DLX5: variants seen among roughly 807,000 people sequenced by gnomAD.
The protein encoded by DLX5 is homeobox protein DLX-5.
A neutral mutation model predicts 27.1 loss-of-function variants in DLX5; 8 were observed. The observed-to-expected ratio is 0.30, with a 90% CI of 0.17 to 0.53. DLX5 has a LOEUF of 0.53. Ranked by LOEUF, DLX5 falls within the 20% of genes least tolerant of loss-of-function variation. The pLI is 0.95. For synonymous variants in DLX5, 178 were observed against 161.9 expected, an observed-to-expected ratio of 1.10 and a Z score of -0.75; for missense variants, 339 against 375.1, an observed-to-expected ratio of 0.90 and a Z score of 0.80.
intron 1 of DLX5, among the ~76,000 whole-genome samples, chr7:97,023,337 GGTGTGT>G (rs10525881): frequency 0.077 from 11,206 of 145,324 alleles, 699 homozygotes; most frequent in African/African-American, 0.15. Flanking sequence ...ACCTCTCCAG[GGTGTGT>G]GTGTGTGTGT....
chr7:97,024,682 T>C lies in DLX5; in HGVS notation c.-59A>G, dbSNP rs1004823454. 53 of 1,455,338 alleles carry C rather than the reference T, an allele frequency of 3.6e-5. No individual in the cohort carries two copies. The highest frequency in any genetic ancestry group is 4.8e-5 in the Non-Finnish European group (51 of 1,063,244). 90.2% of individuals were successfully genotyped at this position (1,455,338 alleles called of 1,614,324 possible). On this transcript the variant is annotated 5_prime_UTR_variant, in exon 1 of 3. Coordinates refer to ENST00000648378, the MANE Select transcript of DLX5 (RefSeq NM_005221.6). This position sits in a 1 kb window ranked among gnomAD's most constrained non-coding sequence, Gnocchi z 4.6. The stretch of plus-strand genomic sequence containing the variant: ...GTTGTGGCGGCGGCAGCTGCCCTAG[T>C]TGGCTGTGGGGCTGCTCTGGTCTAA...
intron 1 of DLX5, among the ~76,000 whole-genome samples, chr7:97,023,556 ACT>A (rs1790121487): frequency 6.6e-6 from 1 of 151,808 alleles, no homozygotes; most frequent in Non-Finnish European, 1.5e-5. Context: ...ACCCTCTTAA[ACT>A]CTCTAAGTAA....
At position 97,020,664 on chromosome 7, in the gene DLX5, CCTTT is replaced by C. The variant is rs1193459185; in HGVS notation, c.*68_*71del. On this transcript the variant is annotated 3_prime_UTR_variant, in exon 3 of 3. Transcript: ENST00000648378. ...TTTTCCGAACTTCCCCATATGAATT[CCTTT>C]CTTTATGATTTTCTAGAACAGCAAA... 2.0e-5 allele frequency: 28 copies of C among 1,398,896 alleles called. No homozygotes were observed. The highest frequency in any genetic ancestry group is 1.4e-4 in the East Asian group (6 of 42,312). 86.7% of individuals were successfully genotyped at this position (1,398,896 alleles called of 1,614,324 possible).
At position 97,021,082 on chromosome 7, in the gene DLX5, A is replaced by T. The variant is rs761722696; in HGVS notation, c.541-17T>A. Reference sequence around the variant, plus strand: ...GATTTTCACCTGAGTTGGGGAACAAAGGCACACGTTACCGGGACACTCAGA... The same window carrying T: ...GATTTTCACCTGAGTTGGGGAACAATGGCACACGTTACCGGGACACTCAGA... On this transcript the variant is annotated splice_polypyrimidine_tract_variant and intron_variant, in intron 2 of 2. Coordinates refer to ENST00000648378, the MANE Select transcript of DLX5 (RefSeq NM_005221.6). The T allele has an allele frequency of 6.3e-7, 1 of 1,588,862 alleles. No homozygotes were observed. Among genetic ancestry groups the T allele is most frequent in the African/African-American group, 1.3e-5 (1 of 74,514 alleles).
chr7:97,022,902 C>G (rs1183106198), intron 1 of DLX5, among the ~76,000 whole-genome samples: 1 of 151,952 alleles, frequency 6.6e-6, no homozygotes, highest in Non-Finnish European at 1.5e-5. Context: ...ACTTCAGCAG[C>G]AAGCGGTCGG....
chr7:97,022,031 C>G, intron 2 of DLX5, 154 bp downstream of exon 2: 1 of 859,976 alleles, frequency 1.2e-6, no homozygotes, highest in Non-Finnish European at 1.9e-6. Context: ...CAAGGCCTGA[C>G]TCACCGAGTT....
chr7:97,020,809 G>C lies in DLX5; in HGVS notation c.797C>G (p.Ser266Ter), dbSNP rs1418095385. The C allele has an allele frequency of 1.2e-6, 2 of 1,613,120 alleles. No individual in the cohort carries two copies. The highest frequency in any genetic ancestry group is 1.3e-5 in the African/African-American group (1 of 74,982). Residue 266 changes from serine to a stop codon, truncating the protein, a stop_gained, in exon 3 of 3, where the codon TCA becomes TGA. Coordinates refer to ENST00000648378, the MANE Select transcript of DLX5 (RefSeq NM_005221.6). LOFTEE classifies it high-confidence loss of function. Reference sequence around the variant, plus strand: ...CGGCGGCGGCAGGTGGGAATTGATTGAGCTGGCTGCACTTGTGTACCAGGA... The same window carrying C: ...CGGCGGCGGCAGGTGGGAATTGATTCAGCTGGCTGCACTTGTGTACCAGGA... Reference protein sequence around the residue: ...SASWYTSAASSINSHLPPPGS... With the variant: ...SASWYTSAAS
intron 1 of DLX5, among the ~76,000 whole-genome samples, chr7:97,023,712 T>A (rs892246366): frequency 1.3e-5 from 2 of 152,022 alleles, no homozygotes; most frequent in African/African-American, 4.8e-5. Context: ...AATGCCTGGA[T>A]AAACCGCAAA....
In DLX5 at chr7:97,020,825, T is replaced by G; in HGVS notation, c.781A>C (p.Thr261Pro). 6.2e-7 allele frequency: 1 copy of G among 1,614,056 alleles called. No individual in the cohort carries two copies. The highest frequency in any genetic ancestry group is 8.5e-7 in the Non-Finnish European group (1 of 1,179,938). Residue 261 changes from threonine to proline, a missense_variant, in exon 3 of 3, where the codon ACA becomes CCA. Physicochemically the swap from Thr to Pro is conservative, Grantham distance 38. Coordinates refer to ENST00000648378, the MANE Select transcript of DLX5 (RefSeq NM_005221.6). ...GAATTGATTGAGCTGGCTGCACTTG[T>G]GTACCAGGATGCAGAGTTCTCCAGG... Reference protein sequence around the residue: ...SYLENSASWYTSAASSINSHL... With the variant: ...SYLENSASWYPSAASSINSHL...
At chr7:97,022,413 AT>A (rs1554342531) in intron 1 of DLX5, 44 bp from the exon 2 acceptor site, 1 of 1,607,510 alleles carries the variant, frequency 6.2e-7, no homozygotes, top group Non-Finnish European at 8.5e-7. Flanking sequence ...TCACCAGACA[AT>A]GCCCCTTTTG....
chr7:97,024,506 ACTC>A lies in DLX5; in HGVS notation c.115_117del (p.Glu39del). On this transcript the variant is annotated inframe_deletion, in exon 1 of 3. Coordinates refer to ENST00000648378, the MANE Select transcript of DLX5 (RefSeq NM_005221.6). This position sits in a 1 kb window ranked among gnomAD's most constrained non-coding sequence, Gnocchi z 4.6. ...TAGTAGTCAGAATCGGTAGCTGAAG[ACTC>A]GGGCAAAGTTGGCGATTCCTGAGAC... The A allele has an allele frequency of 6.2e-7, 1 of 1,614,144 alleles. No individual in the cohort carries two copies. Among genetic ancestry groups the A allele is most frequent in the South Asian group, 1.1e-5 (1 of 91,086 alleles).
At position 97,024,307 on chromosome 7, in the gene DLX5, C is replaced by G. The variant is rs1790137463; in HGVS notation, c.317G>C (p.Gly106Ala). The G allele has an allele frequency of 1.2e-6, 2 of 1,614,170 alleles. No homozygotes were observed. The highest frequency in any genetic ancestry group is 1.7e-6 in the Non-Finnish European group (2 of 1,179,998). ...SYASSYHQYG[G>A]AYNRVPSATN... ...GGCGCTTGGGACGCGGTTGTAGGCG[C>G]CGCCGTACTGGTGGTAGGAGCTAGC... The change falls in exon 1 of 3, where the codon GGC (glycine) becomes GCC (alanine). Residue 106 changes from glycine to alanine, a missense_variant. Around this residue, in one of 3 missense-constraint regions of DLX5, gnomAD observed 188 missense variants for 206.1 expected, o/e 0.91. Transcript: ENST00000648378. The surrounding 1 kb of genome is among the most constrained non-coding windows in gnomAD (Gnocchi z 4.6).
rs756242277 is a variant in DLX5, at chr7:97,024,381, G to A, written c.243C>T (p.Asn81=). ...TGGCTGGGTAGCTCCCGGCGGAGCCGTTCACGCCGTGATACTGATACTGGT... is the reference window on the plus strand; with the variant it reads ...TGGCTGGGTAGCTCCCGGCGGAGCCATTCACGCCGTGATACTGATACTGGT... ...NPYQYQYHGV[N]GSAGSYPAKA... Residue 81 remains asparagine, a synonymous_variant, in exon 1 of 3, where the codon AAC becomes AAT. Transcript: ENST00000648378. This position sits in a 1 kb window ranked among gnomAD's most constrained non-coding sequence, Gnocchi z 4.6. 1.9e-6 allele frequency: 3 copies of A among 1,614,266 alleles called. No homozygotes were observed. The highest frequency in any genetic ancestry group is 2.5e-6 in the Non-Finnish European group (3 of 1,180,054).
In DLX5 at chr7:97,020,717, G is replaced by C. The variant is rs764890966; in HGVS notation, c.*19C>G. 3.3e-6 allele frequency: 5 copies of C among 1,537,644 alleles called. No individual in the cohort carries two copies. The highest frequency in any genetic ancestry group is 2.0e-5 in the Admixed American group (1 of 49,514). ...AAACACAGTAGTCCCAAAAAAGAGAGTAAGAGAGAGCAGCCCATCTAATAG... is the reference window on the plus strand; with the variant it reads ...AAACACAGTAGTCCCAAAAAAGAGACTAAGAGAGAGCAGCCCATCTAATAG... On this transcript the variant is annotated 3_prime_UTR_variant, in exon 3 of 3. Transcript: ENST00000648378.
rs1395294619 is a variant in DLX5, at chr7:97,020,606, C to G, written c.*130G>C. 4.1e-6 allele frequency: 4 copies of G among 970,072 alleles called. No individual in the cohort carries two copies. The highest frequency in any genetic ancestry group is 5.6e-6 in the Non-Finnish European group (4 of 711,066). The allele number at this position is 970,072 out of a possible 1,614,324, so 60.1% of individuals were successfully genotyped here. On this transcript the variant is annotated 3_prime_UTR_variant, in exon 3 of 3. Coordinates refer to ENST00000648378, the MANE Select transcript of DLX5 (RefSeq NM_005221.6). ...CTTTTGAAATGCAATAACTTACATG[C>G]AAAAAAAAGCTTTACACATGAATCT... is the stretch of plus-strand genomic sequence containing the variant.
At chr7:97,021,476 C>A (rs986726420) in intron 2 of DLX5, among the ~76,000 whole-genome samples, 1 of 152,090 alleles carries the variant, frequency 6.6e-6, no homozygotes, top group Non-Finnish European at 1.5e-5. Flanking sequence ...GGGCGGGCTA[C>A]GCGCGCCTGT....
chr7:97,022,059 G>A (rs1790078286), intron 2 of DLX5, 126 bp downstream of exon 2: 2 of 1,130,264 alleles, frequency 1.8e-6, no homozygotes, highest in Non-Finnish European at 2.6e-6. Flanking sequence ...AGGGGCTGAT[G>A]TCTTTGGGTC....
chr7:97,021,026 T>G lies in DLX5; in HGVS notation c.580A>C (p.Lys194Gln), dbSNP rs199567160. Residue 194 changes from lysine (K) to glutamine (Q), a missense_variant, in exon 3 of 3, where the codon AAG becomes CAG. Physicochemically the swap from Lys to Gln is moderately conservative, Grantham distance 53. Around this residue, in one of 3 missense-constraint regions of DLX5, gnomAD observed 136 missense variants for 130.3 expected, o/e 1.04. Coordinates refer to ENST00000648378, the MANE Select transcript of DLX5 (RefSeq NM_005221.6). ...GGCATCTCCCCGTTTTTCATGATCT[T>G]CTTGATCTTGGATCTTTTGTTCTGA... is the stretch of plus-strand genomic sequence containing the variant. ...WFQNKRSKIKKIMKNGEMPPE... is the reference protein window; with the variant it reads ...WFQNKRSKIKQIMKNGEMPPE... 92 of 1,612,960 alleles carry G rather than the reference T, an allele frequency of 5.7e-5. No homozygotes were observed. The highest frequency in any genetic ancestry group is 1.2e-4 in the Admixed American group (7 of 59,994).
intron 2 of DLX5, 137 bp downstream of exon 2, chr7:97,022,048 T>C (rs1475105261): frequency 7.8e-6 from 8 of 1,019,926 alleles, no homozygotes; most frequent in South Asian, 1.3e-5. Context: ...AGTTAAAGCA[T>C]AGGGGCTGAT....
Sources: allele counts gnomAD v4.1 joint callset (sites outside exome capture counted in the v4.1 genomes callset), GRCh38; gene constraint gnomAD v4.1.1; regional missense constraint gnomAD v4.1.1; non-coding constraint Gnocchi (gnomAD v3.1); transcripts MANE v1.5; gene names NCBI Gene and HGNC (gene_info 2026-07-23, HGNC 2026-07-21).